RORA: variants seen among roughly 807,000 people sequenced by gnomAD.
RORA encodes the protein nuclear receptor ROR-alpha.
A neutral mutation model predicts 69.5 loss-of-function variants in RORA; 7 were observed. The observed-to-expected ratio is 0.10, with a 90% CI of 0.06 to 0.19. The LOEUF (loss-of-function observed/expected upper bound fraction) is 0.19, where lower values mean the gene tolerates loss of function less well. RORA is among the 10% of genes least tolerant of loss of function. The pLI is 1.00. For missense variants in RORA, 457 were observed against 663.0 expected, an observed-to-expected ratio of 0.69 and a Z score of 3.41; for synonymous variants, 261 against 240.8, an observed-to-expected ratio of 1.08 and a Z score of -0.78.
chr15:61,112,359 A>G (rs1220956970), intron 1 of RORA, among the ~76,000 whole-genome samples: 2 of 152,184 alleles, frequency 1.3e-5, no homozygotes, highest in Non-Finnish European at 2.9e-5. Flanking sequence ...GGAAAGTAGC[A>G]CAGTGCCAGG....
At chr15:60,678,606 G>T in intron 2 of RORA, 51 bp downstream of exon 2, 2 of 1,399,220 alleles carry the variant, frequency 1.4e-6, no homozygotes, top group Non-Finnish European at 2.0e-6. Flanking sequence ...AGACATATGC[G>T]AATTCCAACT....
intron 1 of RORA, among the ~76,000 whole-genome samples, chr15:60,851,488 G>A (rs1312736254): frequency 2.0e-5 from 3 of 152,040 alleles, no homozygotes; most frequent in Non-Finnish European, 4.4e-5. Context: ...AGGGTGCTGG[G>A]GTGTTCTAGG....
chr15:61,129,775 C>T (rs1048219308), intron 1 of RORA, among the ~76,000 whole-genome samples: 1 of 152,162 alleles, frequency 6.6e-6, no homozygotes, highest in African/African-American at 2.4e-5. Flanking sequence ...CCCTGGTTTC[C>T]TGTCTTAATC....
At chr15:60,718,002 T>C (rs944775066) in intron 1 of RORA, among the ~76,000 whole-genome samples, 1 of 152,010 alleles carries the variant, frequency 6.6e-6, no homozygotes, top group African/African-American at 2.4e-5. Flanking sequence ...TTTCACCATG[T>C]TGGCCAGGCT....
At chr15:60,765,658 C>T (rs1218474922) in intron 1 of RORA, 1 of 152,152 alleles carries the variant, frequency 6.6e-6, no homozygotes, top group African/African-American at 2.4e-5. Context: ...CATGCAAATC[C>T]TTCCACTTTC....
intron 1 of RORA, among the ~76,000 whole-genome samples, chr15:60,716,663 C>T (rs2071222676): frequency 2.0e-5 from 3 of 152,126 alleles, no homozygotes; most frequent in Non-Finnish European, 4.4e-5. Flanking sequence ...TGCCCCAAAG[C>T]AGGACTCTAC....
At chr15:60,739,398 C>T (rs757110685) in intron 1 of RORA, among the ~76,000 whole-genome samples, 1 of 152,008 alleles carries the variant, frequency 6.6e-6, no homozygotes, top group Non-Finnish European at 1.5e-5. Flanking sequence ...TGGCAAAATC[C>T]CATCTCTACA....
At chr15:61,174,223 C>G (rs570733003) in intron 1 of RORA, among the ~76,000 whole-genome samples, 214 of 152,326 alleles carry the variant, frequency 1.4e-3, no homozygotes, top group Non-Finnish European at 2.1e-3. Context: ...GCCTTCTCTG[C>G]TGGCTTCTGT....
At chr15:61,191,454 C>T (rs2079799464) in intron 1 of RORA, among the ~76,000 whole-genome samples, 1 of 152,142 alleles carries the variant, frequency 6.6e-6, no homozygotes, top group South Asian at 2.1e-4. Flanking sequence ...GATGACACCA[C>T]CACACAACCA....
At chr15:61,175,223 C>T (rs570997756) in intron 1 of RORA, among the ~76,000 whole-genome samples, 1 of 152,206 alleles carries the variant, frequency 6.6e-6, no homozygotes, top group East Asian at 1.9e-4. Context: ...CAAGATGCCA[C>T]GAGGGCTGTG....
intron 1 of RORA, among the ~76,000 whole-genome samples, chr15:61,219,679 T>C (rs1266506677): frequency 1.3e-5 from 2 of 152,196 alleles, no homozygotes; most frequent in Non-Finnish European, 2.9e-5. Flanking sequence ...ACTTGGGTTC[T>C]AGTCACAGTC....
At chr15:61,137,966 C>T (rs971031230) in intron 1 of RORA, among the ~76,000 whole-genome samples, 1 of 152,160 alleles carries the variant, frequency 6.6e-6, no homozygotes, top group Non-Finnish European at 1.5e-5. Context: ...CATACTTACC[C>T]TGGAAAGAGA....
chr15:61,140,033 C>T (rs754236333), intron 1 of RORA, among the ~76,000 whole-genome samples: 45 of 152,302 alleles, frequency 3.0e-4, no homozygotes, highest in Non-Finnish European at 5.3e-4. Flanking sequence ...CTCAGTTGTA[C>T]TGCTATAAAT....
At chr15:61,086,851 T>TACA (rs1479697214) in intron 1 of RORA, among the ~76,000 whole-genome samples, 1 of 152,146 alleles carries the variant, frequency 6.6e-6, no homozygotes, top group East Asian at 1.9e-4. Context: ...ACTTCTATTG[T>TACA]ACAACAGCAG....
chr15:61,054,933 C>G (rs1285829622), intron 1 of RORA, among the ~76,000 whole-genome samples: 4 of 151,394 alleles, frequency 2.6e-5, no homozygotes, highest in African/African-American at 9.7e-5. Context: ...ACCTCCTGAG[C>G]TCAATCAATC....
intron 2 of RORA, among the ~76,000 whole-genome samples, chr15:60,651,091 T>A (rs1304398931): frequency 1.3e-5 from 2 of 152,080 alleles, no homozygotes; most frequent in Non-Finnish European, 2.9e-5. Flanking sequence ...ACTTTTGGAG[T>A]AGAATACTGA....
At chr15:60,977,778 AT>A (rs1440044365) in intron 1 of RORA, among the ~76,000 whole-genome samples, 1 of 152,210 alleles carries the variant, frequency 6.6e-6, no homozygotes, top group Admixed American at 6.5e-5. Flanking sequence ...ATGAGGTAGC[AT>A]GTATCAGTAT....
At chr15:61,031,513 G>A (rs1017918628) in intron 1 of RORA, among the ~76,000 whole-genome samples, 3 of 152,152 alleles carry the variant, frequency 2.0e-5, no homozygotes, top group Non-Finnish European at 4.4e-5. Context: ...TGTACTATGT[G>A]GTTGTGTGTA....
At chr15:60,641,566 T>C (rs1321912757) in intron 2 of RORA, among the ~76,000 whole-genome samples, 1 of 152,070 alleles carries the variant, frequency 6.6e-6, no homozygotes, top group African/African-American at 2.4e-5. Flanking sequence ...TGTGCCACTA[T>C]GCCTGGCTAA....
Sources: gnomAD v4.1 joint callset for allele counts (sites outside exome capture counted in the v4.1 genomes callset) on GRCh38, gnomAD v4.1.1 for gene constraint, MANE v1.5 for transcripts, NCBI Gene and HGNC (gene_info 2026-07-23, HGNC 2026-07-21) for gene names.